The following TACC2 variants were observed in gnomAD, a reference collection of about 807,000 sequenced individuals.
TACC2 encodes the protein transforming acidic coiled-coil containing protein 2.
In TACC2, 137 loss-of-function variants were observed where a neutral mutation model predicts 227.3. That is an observed-to-expected ratio of 0.60 (90% confidence interval 0.52 to 0.69). The LOEUF is 0.69. TACC2 is among the 30% of genes least tolerant of loss of function. The probability of loss-of-function intolerance (pLI) is 0.00; values close to 1 mark genes in which losing one functional copy is unlikely to be tolerated. For synonymous variants in TACC2, 1,523 were observed against 1,487.5 expected, an observed-to-expected ratio of 1.02 and a Z score of -0.55; for missense variants, 3,470 against 3,694.4, an observed-to-expected ratio of 0.94 and a Z score of 1.57.
At chr10:122,128,754 A>G (rs2087383213) in intron 5 of TACC2, among the ~76,000 whole-genome samples, 1 of 152,254 alleles carries the variant, frequency 6.6e-6, no homozygotes, top group African/African-American at 2.4e-5. Flanking sequence ...AGAACTAGAA[A>G]GTAGATATAA....
At chr10:122,215,778 A>G (rs915525738) in intron 10 of TACC2, among the ~76,000 whole-genome samples, 3 of 152,214 alleles carry the variant, frequency 2.0e-5, no homozygotes, top group African/African-American at 4.8e-5. Context: ...GAGATGAACA[A>G]ATATGCAGTG....
intron 11 of TACC2, among the ~76,000 whole-genome samples, chr10:122,219,897 G>A (rs910622149): frequency 6.6e-6 from 1 of 152,016 alleles, no homozygotes; most frequent in Non-Finnish European, 1.5e-5. Context: ...AATTAGCTGG[G>A]CATGGTGGTG....
At chr10:122,107,622 A>T (rs567614063) in intron 5 of TACC2, among the ~76,000 whole-genome samples, 27 of 151,976 alleles carry the variant, frequency 1.8e-4, no homozygotes, top group Admixed American at 6.6e-4. Flanking sequence ...ATAATTTTTT[A>T]AAAAAGAATT....
rs1291714220 is a variant in TACC2 at position 122,254,304 on chromosome 10, T to C, written c.*248T>C. On this transcript the variant is annotated 3_prime_UTR_variant, in exon 23 of 23. Transcript: ENST00000369005. Reference sequence around the variant, plus strand: ...CCTCAGAGTTCCTGTATCAGGGAGATTGTCTGATTCTCTAATAAAAGACAC... The same window carrying C: ...CCTCAGAGTTCCTGTATCAGGGAGACTGTCTGATTCTCTAATAAAAGACAC... 3 of 522,126 alleles carry C rather than the reference T, an allele frequency of 5.7e-6. No individual in the cohort carries two copies. The highest frequency in any genetic ancestry group is 1.0e-5 in the Non-Finnish European group (3 of 286,028). The allele number at this position is 522,126 out of a possible 1,614,324, so 32.3% of individuals were successfully genotyped here.
chr10:122,122,401 C>T (rs976474998), intron 5 of TACC2, among the ~76,000 whole-genome samples: 1 of 151,630 alleles, frequency 6.6e-6, no homozygotes, highest in Admixed American at 6.6e-5. Flanking sequence ...TTCTTCATAG[C>T]AGTGATGAGG....
chr10:122,202,013 CTTTTTTTTTTTT>C (rs767544440), intron 8 of TACC2, among the ~76,000 whole-genome samples: 1 of 102,370 alleles, frequency 9.8e-6, no homozygotes, highest in Non-Finnish European at 2.1e-5. Flanking sequence ...TCTTCTTTAG[CTTTTTTTTTTTT>C]TTTTTTTTAA....
At chr10:122,186,835 A>G (rs1487081172) in intron 7 of TACC2, among the ~76,000 whole-genome samples, 2 of 152,196 alleles carry the variant, frequency 1.3e-5, no homozygotes, top group African/African-American at 2.4e-5. Flanking sequence ...TAAGATTCCA[A>G]TTTAAGTTAA....
chr10:122,077,511 C>T, intron 3 of TACC2, among the ~76,000 whole-genome samples: 1 of 152,050 alleles, frequency 6.6e-6, no homozygotes, highest in East Asian at 1.9e-4. Flanking sequence ...GGGCTGCAGG[C>T]TCCAGGCAGA....
At chr10:122,097,646 T>G (rs879747314) in intron 5 of TACC2, among the ~76,000 whole-genome samples, 5 of 150,378 alleles carry the variant, frequency 3.3e-5, no homozygotes, top group African/African-American at 4.9e-5. Flanking sequence ...GCGGCCGGAG[T>G]TTAAATCCTG....
At chr10:122,123,129 A>T (rs929625684) in intron 5 of TACC2, among the ~76,000 whole-genome samples, 1 of 152,124 alleles carries the variant, frequency 6.6e-6, no homozygotes, top group Non-Finnish European at 1.5e-5. Flanking sequence ...CAGCTTCCAG[A>T]GTAGCTGGGA....
intron 1 of TACC2, among the ~76,000 whole-genome samples, chr10:122,010,185 G>T (rs925163395): frequency 3.3e-5 from 5 of 152,094 alleles, no homozygotes; most frequent in Non-Finnish European, 5.9e-5. Context: ...TGTTTGTGCT[G>T]GAACAGCCTC....
At chr10:122,245,804 C>T (rs56091980) in intron 19 of TACC2, among the ~76,000 whole-genome samples, 13,827 of 152,202 alleles carry the variant, frequency 0.091, 1,833 homozygotes, top group African/African-American at 0.29. Flanking sequence ...ATTTAATCTC[C>T]TGCAAATGCC....
At chr10:122,189,529 A>C (rs954643016) in intron 7 of TACC2, among the ~76,000 whole-genome samples, 1 of 152,172 alleles carries the variant, frequency 6.6e-6, no homozygotes, top group East Asian at 1.9e-4. Context: ...AGCTCAGAAG[A>C]AGGAAGCCCC....
chr10:122,196,541 G>A (rs1448699792), intron 8 of TACC2, among the ~76,000 whole-genome samples: 3 of 152,168 alleles, frequency 2.0e-5, no homozygotes, highest in East Asian at 1.9e-4. Context: ...TCAGAGCATC[G>A]TTTGCATCTC....
chr10:122,226,764 G>A lies in TACC2; in HGVS notation c.7724+283G>A, dbSNP rs79260245. ...AGCCCACACTTCAGTCTCTCTGAAT[G>A]TCCACAGGGACATAAACGCATTGGT... On this transcript the variant is annotated intron_variant, in intron 13 of 22. Transcript: ENST00000369005. Among the ~76,000 whole-genome samples the A allele has an allele frequency of 0.011, 1,719 of 152,262 alleles. 118 individuals are homozygous for A. The East Asian group carries it at 0.21, about 18-fold the overall frequency.
At chr10:122,065,765 G>A (rs148803957) in intron 3 of TACC2, among the ~76,000 whole-genome samples, 1 of 152,204 alleles carries the variant, frequency 6.6e-6, no homozygotes, top group Non-Finnish European at 1.5e-5. Context: ...AGCAGTTTTT[G>A]CTTCTTGTGT....
intron 5 of TACC2, among the ~76,000 whole-genome samples, chr10:122,130,110 G>T (rs1346589223): frequency 1.3e-5 from 2 of 152,184 alleles, no homozygotes; most frequent in African/African-American, 2.4e-5. Flanking sequence ...TGATTCTTGT[G>T]CCTCAGCCTC....
chr10:122,101,000 G>T (rs1029938770), intron 5 of TACC2, among the ~76,000 whole-genome samples: 33 of 152,220 alleles, frequency 2.2e-4, no homozygotes, highest in South Asian at 2.1e-4. Flanking sequence ...CACTCCCCAG[G>T]AGTACCCCTA....
chr10:122,004,854 AATT>A (rs1484768065), intron 1 of TACC2, among the ~76,000 whole-genome samples: 3 of 152,082 alleles, frequency 2.0e-5, no homozygotes, highest in Admixed American at 1.3e-4. Context: ...GGGCACTTAC[AATT>A]ATTATTATTT....
Sources: gnomAD v4.1 joint callset for allele counts (sites outside exome capture counted in the v4.1 genomes callset) on GRCh38, gnomAD v4.1.1 for gene constraint, MANE v1.5 for transcripts, NCBI Gene and HGNC (gene_info 2026-07-23, HGNC 2026-07-21) for gene names.